ZNF44: variants seen among roughly 807,000 people sequenced by gnomAD.
ZNF44 encodes zinc finger protein 44, also known as gonadotropin inducible transcription repressor-2.
ZNF44 carries 9 observed loss-of-function variants against 11.7 expected under a neutral mutation model. The observed-to-expected ratio is 0.77, with a 90% CI of 0.46 to 1.35. The LOEUF (loss-of-function observed/expected upper bound fraction) is 1.35. Ranked by LOEUF, ZNF44 falls within the 40% of genes most tolerant of loss-of-function variation. The probability of loss-of-function intolerance (pLI) is 0.00; values close to 1 mark genes in which losing one functional copy is unlikely to be tolerated. For missense variants in ZNF44, 696 were observed against 743.1 expected (o/e 0.94, Z 0.74); for synonymous variants, 224 against 242.7 (o/e 0.92, Z 0.72).
chr19:12,274,224 G>A (rs1967112266), intron 3 of ZNF44, among the ~76,000 whole-genome samples, 161 bp from the exon 4 acceptor site: 1 of 149,576 alleles, frequency 6.7e-6, no homozygotes, highest in South Asian at 2.1e-4. Flanking sequence ...CTCAATCCCA[G>A]CTATTTTCAA....
chr19:12,250,407 G>A, intron 5 of ZNF44: 1 of 1,322,600 alleles, frequency 7.6e-7, no homozygotes, highest in Non-Finnish European at 1.0e-6. Flanking sequence ...GAATGGGTGA[G>A]ACTGACAGCA....
chr19:12,293,234 G>C (rs1968093344), intron 1 of ZNF44: 1 of 1,536,354 alleles, frequency 6.5e-7, no homozygotes. Context: ...GCATCCACCT[G>C]ATCCTTTGGG....
At chr19:12,283,876 G>C (rs1967599880) in intron 1 of ZNF44, among the ~76,000 whole-genome samples, 3 of 152,190 alleles carry the variant, frequency 2.0e-5, no homozygotes. Flanking sequence ...AGCCAAGTGT[G>C]GTGGCACATG....
intron 1 of ZNF44, among the ~76,000 whole-genome samples, chr19:12,288,058 C>T (rs1386548256): frequency 7.2e-5 from 11 of 152,100 alleles, no homozygotes; most frequent in Admixed American, 7.2e-4. Flanking sequence ...CCAAGAAAAA[C>T]TGGTGTTCAA....
At chr19:12,281,507 A>AT (rs1015743035) in intron 1 of ZNF44, among the ~76,000 whole-genome samples, 1 of 152,200 alleles carries the variant, frequency 6.6e-6, no homozygotes, top group Non-Finnish European at 1.5e-5. Context: ...CTAACCTTCC[A>AT]TTTTAGGAAA....
chr19:12,273,678 C>T lies in ZNF44; in HGVS notation c.577G>A (p.Gly193Arg). The stretch of plus-strand genomic sequence containing the variant: ...AATTCACATTTATAAGGTCCATCTC[C>T]ACCTTTTACTACCATATGTCTTCGA... ...NLRRHMVVKG[G>R]DGPYKCELCG... is the part of the protein sequence containing the mutation. The change falls in exon 4 of 4, where the codon GGA becomes AGA. Residue 193 changes from glycine (G) to arginine (R), a missense_variant. By Grantham distance (125) the Gly-to-Arg change is moderately radical. Transcript: ENST00000355684. 2 of 1,614,200 alleles carry T rather than the reference C, an allele frequency of 1.2e-6. No homozygotes were observed. Among genetic ancestry groups the T allele is most frequent in the Admixed American group, 1.7e-5 (1 of 60,012 alleles).
intron 1 of ZNF44, chr19:12,285,139 G>C (rs1967676664): frequency 1.6e-6 from 1 of 619,990 alleles, no homozygotes; most frequent in Non-Finnish European, 2.9e-6. Context: ...ACCCACACCA[G>C]AGTCTCTGTG....
intron 1 of ZNF44, among the ~76,000 whole-genome samples, chr19:12,281,798 T>A (rs1170677787): frequency 6.6e-6 from 1 of 152,102 alleles, no homozygotes; most frequent in Non-Finnish European, 1.5e-5. Context: ...ATGGACCAAT[T>A]CCTTGAAAGA....
chr19:12,248,170 AG>A (rs781505702), exon 8 of ZNF44: 1 of 1,306,912 alleles, frequency 7.7e-7, no homozygotes, highest in Admixed American at 2.2e-5. Context: ...CGGTAAATGA[AG>A]GGTTTCCCAC....
Position 12,259,823 on chromosome 19 carries a change from C to T in ZNF44, c.1913-9455G>A, listed in dbSNP as rs145243625. On this transcript the variant is annotated intron_variant and NMD_transcript_variant, in intron 5 of 7. Coordinates refer to the ZNF44 transcript ENST00000393337. ...CCCCACTAAACCCAAAGGTCAAGCT[C>T]TCTGTTGTGGGAGAGGCGCATGAAG... Among the ~76,000 whole-genome samples, 334 of 152,322 alleles carry T rather than the reference C, an allele frequency of 2.2e-3. 7 individuals are homozygous for T. In the South Asian group the frequency reaches 0.036, roughly 16 times the overall value.
intron 1 of ZNF44, among the ~76,000 whole-genome samples, chr19:12,283,565 A>G (rs896032503): frequency 4.6e-5 from 7 of 152,050 alleles, no homozygotes; most frequent in Non-Finnish European, 8.8e-5. Context: ...TTCTGACCTC[A>G]TGATCCGCCC....
chr19:12,238,405 C>T (rs1439123432), upstream of ZNF44, among the ~76,000 whole-genome samples: 2 of 151,780 alleles, frequency 1.3e-5, no homozygotes, highest in Admixed American at 6.6e-5. Context: ...GGCGGGCGGA[C>T]CACAAGGTCA....
upstream of ZNF44, among the ~76,000 whole-genome samples, chr19:12,239,476 G>A (rs577184596): frequency 9.9e-4 from 138 of 139,610 alleles, no homozygotes; most frequent in Admixed American, 3.3e-3. Context: ...GGCTGGTCTC[G>A]AAGTCCTGCC....
intron 5 of ZNF44, among the ~76,000 whole-genome samples, chr19:12,263,299 T>A (rs1179775395): frequency 6.6e-6 from 1 of 151,856 alleles, no homozygotes; most frequent in Non-Finnish European, 1.5e-5. Flanking sequence ...TTGGTCAGGG[T>A]GGTCTCGAAG....
chr19:12,276,055 C>T lies in ZNF44; in HGVS notation c.31G>A (p.Val11Met). Residue 11 changes from valine to methionine, a missense_variant, in exon 2 of 4, where the codon GTG becomes ATG. Physicochemically the swap from Val to Met is conservative, Grantham distance 21. Coordinates refer to ENST00000355684, the MANE Select transcript of ZNF44 (RefSeq NM_016264.4). MDSVAFEDVA[V>M]NFTHEEWALL... ...GCCCACTCCTCATGGGTGAAGTTCA[C>T]AGCCACATCCTCAAAGGCCACTGAG... 1 of 1,607,786 alleles carries T rather than the reference C, an allele frequency of 6.2e-7. No homozygotes were observed. Among genetic ancestry groups the T allele is most frequent in the East Asian group, 2.2e-5 (1 of 44,644 alleles).
At chr19:12,285,390 G>A (rs1487350988) in intron 1 of ZNF44, among the ~76,000 whole-genome samples, 1 of 152,036 alleles carries the variant, frequency 6.6e-6, no homozygotes, top group African/African-American at 2.4e-5. Context: ...CGAGTAGCTG[G>A]GATTACAGGC....
intron 7 of ZNF44, among the ~76,000 whole-genome samples, chr19:12,249,768 T>C (rs1017290182): frequency 2.6e-5 from 4 of 152,078 alleles, no homozygotes; most frequent in South Asian, 2.1e-4. Context: ...GTCAGGCTGG[T>C]CTTGAACTCC....
chr19:12,268,628 G>A (rs1917828981), downstream of ZNF44, among the ~76,000 whole-genome samples: 1 of 152,106 alleles, frequency 6.6e-6, no homozygotes, highest in Non-Finnish European at 1.5e-5. Context: ...CTGTCACCCA[G>A]GCTGGAGTAC....
chr19:12,285,631 A>G (rs559602467), intron 1 of ZNF44, among the ~76,000 whole-genome samples: 6 of 152,332 alleles, frequency 3.9e-5, no homozygotes, highest in South Asian at 4.1e-4. Flanking sequence ...TAACCCAGCA[A>G]TGTTCCCCCA....
Sources: gnomAD v4.1 joint callset for allele counts (sites outside exome capture counted in the v4.1 genomes callset) on GRCh38, gnomAD v4.1.1 for gene constraint, MANE v1.5 for transcripts, NCBI Gene and HGNC (gene_info 2026-07-23, HGNC 2026-07-21) for gene names.